ULK4: variants seen among roughly 807,000 people sequenced by gnomAD.
The protein encoded by ULK4 is inactive serine/threonine-protein kinase ULK4.
In ULK4, 133 loss-of-function variants were observed where a neutral mutation model predicts 160.6. The ratio of observed to expected loss-of-function variants is 0.83; its 90% CI spans 0.72 to 0.96. The LOEUF (loss-of-function observed/expected upper bound fraction) is 0.96, where lower values mean the gene tolerates loss of function less well. ULK4 is among the 40% of genes least tolerant of loss of function. The probability of loss-of-function intolerance (pLI) is 0.00; values close to 1 mark genes in which losing one functional copy is unlikely to be tolerated. For synonymous variants in ULK4, 534 were observed against 539.8 expected, an observed-to-expected ratio of 0.99 and a Z score of 0.15; for missense variants, 1,580 against 1,499.5, an observed-to-expected ratio of 1.05 and a Z score of -0.89.
chr3:41,519,668 C>T (rs896221928), intron 32 of ULK4, among the ~76,000 whole-genome samples: 3 of 151,924 alleles, frequency 2.0e-5, no homozygotes, highest in Admixed American at 6.6e-5. Context: ...AGTGCGCACA[C>T]GAATAAAAGA....
At chr3:41,259,367 C>A (rs1408176792) in intron 35 of ULK4, among the ~76,000 whole-genome samples, 1 of 152,120 alleles carries the variant, frequency 6.6e-6, no homozygotes, top group Non-Finnish European at 1.5e-5. Flanking sequence ...TTTCAGCTTC[C>A]CCAAATACAA....
chr3:41,428,073 C>G (rs1392178067), intron 34 of ULK4, among the ~76,000 whole-genome samples: 1 of 152,182 alleles, frequency 6.6e-6, no homozygotes, highest in Non-Finnish European at 1.5e-5. Flanking sequence ...AGCAAAGCTT[C>G]AGGACACAAA....
chr3:41,746,281 A>AAAAAAAAAAAAAAAAC (rs1421005596), intron 22 of ULK4, among the ~76,000 whole-genome samples: 1 of 146,964 alleles, frequency 6.8e-6, no homozygotes, highest in African/African-American at 2.5e-5. Flanking sequence ...ACAAAAAAAA[A>AAAAAAAAAAAAAAAAC]AAAAAAAAAA....
intron 4 of ULK4, among the ~76,000 whole-genome samples, chr3:41,935,303 T>C (rs1699737937): frequency 6.8e-6 from 1 of 148,046 alleles, no homozygotes; most frequent in Non-Finnish European, 1.5e-5. Flanking sequence ...CTCAGCTCAC[T>C]GCAGCCTCTG....
chr3:41,864,741 T>C (rs2042578930), intron 17 of ULK4, among the ~76,000 whole-genome samples: 1 of 152,130 alleles, frequency 6.6e-6, no homozygotes, highest in Admixed American at 6.5e-5. Context: ...CACTAAATCT[T>C]ATCCACTTCA....
intron 21 of ULK4, among the ~76,000 whole-genome samples, chr3:41,772,738 G>C (rs1371730055): frequency 1.3e-5 from 2 of 152,282 alleles, no homozygotes; most frequent in African/African-American, 4.8e-5. Flanking sequence ...GCATCATCCT[G>C]ATACCAAAGC....
intron 35 of ULK4, among the ~76,000 whole-genome samples, chr3:41,267,613 A>C (rs1476554776): frequency 2.0e-5 from 3 of 152,172 alleles, no homozygotes; most frequent in Admixed American, 6.5e-5. Context: ...ACCCTGAAAT[A>C]GAGGATATGA....
At chr3:41,490,547 C>T (rs1417837189) in intron 32 of ULK4, among the ~76,000 whole-genome samples, 1 of 152,184 alleles carries the variant, frequency 6.6e-6, no homozygotes, top group Non-Finnish European at 1.5e-5. Flanking sequence ...CTGTTCATAC[C>T]ATTCAATTTT....
chr3:41,818,252 G>C (rs1206545058), intron 19 of ULK4, among the ~76,000 whole-genome samples: 1 of 152,082 alleles, frequency 6.6e-6, no homozygotes, highest in African/African-American at 2.4e-5. Flanking sequence ...CTTTATCACA[G>C]CACTATTCAC....
intron 18 of ULK4, among the ~76,000 whole-genome samples, chr3:41,820,475 C>T (rs1417245457): frequency 6.6e-6 from 1 of 152,170 alleles, no homozygotes; most frequent in Non-Finnish European, 1.5e-5. Flanking sequence ...CGAAATACTA[C>T]TGCAGCAACA....
At position 41,252,806 on chromosome 3, in the gene ULK4, A is replaced by G. The variant is rs138929156; in HGVS notation, c.3679-3232T>C. Among the ~76,000 whole-genome samples the G allele has an allele frequency of 7.0e-3, 1,062 of 152,238 alleles. 9 individuals carry two copies. Among genetic ancestry groups the G allele is most frequent in the African/African-American group, 0.025 (1,018 of 41,546 alleles). ...AGAAATAAATCTACAGATTCAAGAA[A>G]CAGTAAATCCCAAACAAGATTAAAC... On this transcript the variant is annotated intron_variant, in intron 35 of 36. Transcript: ENST00000301831.
At chr3:41,870,071 C>CA in intron 17 of ULK4, among the ~76,000 whole-genome samples, 1 of 152,268 alleles carries the variant, frequency 6.6e-6, no homozygotes, top group East Asian at 1.9e-4. Flanking sequence ...AGTCAGCACG[C>CA]ATTCATATAA....
At chr3:41,851,680 GA>G (rs1289541574) in intron 17 of ULK4, among the ~76,000 whole-genome samples, 2 of 152,106 alleles carry the variant, frequency 1.3e-5, no homozygotes, top group African/African-American at 4.8e-5. Flanking sequence ...ACCTCTGGTA[GA>G]ATTTGGCTGA....
At chr3:41,730,832 C>A (rs968455075) in intron 22 of ULK4, among the ~76,000 whole-genome samples, 1 of 152,088 alleles carries the variant, frequency 6.6e-6, no homozygotes, top group South Asian at 2.1e-4. Flanking sequence ...AAACCATTCA[C>A]CATAATCAAG....
At position 41,835,981 on chromosome 3, in the gene ULK4, C is replaced by CAAAAAA. The variant is rs58776901; in HGVS notation, c.1657-16_1657-11dup. 2.6e-5 allele frequency: 31 copies of CAAAAAA among 1,178,618 alleles called. No individual in the cohort carries two copies. The highest frequency in any genetic ancestry group is 1.0e-4 in the African/African-American group (6 of 58,590). 73.0% of individuals were successfully genotyped at this position (1,178,618 alleles called of 1,614,324 possible). On this transcript the variant is annotated splice_polypyrimidine_tract_variant and intron_variant, in intron 17 of 36. Coordinates refer to ENST00000301831, the MANE Select transcript of ULK4 (RefSeq NM_017886.4). ...TTAAGAGAACAATTGCCTGCAAAGA[C>CAAAAAA]AAAAAAAAAAAAAGTAAATTATTTC...
At chr3:41,538,263 G>A (rs1478499287) in intron 32 of ULK4, among the ~76,000 whole-genome samples, 1 of 152,128 alleles carries the variant, frequency 6.6e-6, no homozygotes, top group Non-Finnish European at 1.5e-5. Flanking sequence ...CATAAAAGAT[G>A]CATCTTCAAT....
At chr3:41,901,544 A>C (rs1218801387) in intron 12 of ULK4, among the ~76,000 whole-genome samples, 1 of 125,912 alleles carries the variant, frequency 7.9e-6, no homozygotes, top group Admixed American at 9.0e-5. Flanking sequence ...GCAGTGGCAC[A>C]ATCTCAGCTC....
intron 19 of ULK4, among the ~76,000 whole-genome samples, chr3:41,800,626 T>C (rs1252875180): frequency 6.6e-6 from 1 of 152,070 alleles, no homozygotes; most frequent in African/African-American, 2.4e-5. Context: ...AAAATAACTA[T>C]AACATAAAAA....
intron 30 of ULK4, among the ~76,000 whole-genome samples, chr3:41,656,004 C>T (rs1338003739): frequency 1.3e-5 from 2 of 152,166 alleles, no homozygotes; most frequent in African/African-American, 4.8e-5. Context: ...TGCACAACCG[C>T]TTTCCAAAGT....
Sources: allele counts gnomAD v4.1 joint callset (sites outside exome capture counted in the v4.1 genomes callset), GRCh38; gene constraint gnomAD v4.1.1; transcripts MANE v1.5; gene names NCBI Gene and HGNC (gene_info 2026-07-23, HGNC 2026-07-21).